ARHGEF4: variants seen among roughly 807,000 people sequenced by gnomAD.
The protein encoded by ARHGEF4 is Rho guanine nucleotide exchange factor 4, also known as APC-stimulated guanine nucleotide exchange factor 1.
In ARHGEF4, 119 loss-of-function variants were observed where a neutral mutation model predicts 162.0. The observed-to-expected ratio is 0.73, with a 90% CI of 0.63 to 0.86. The LOEUF is 0.86. ARHGEF4 is among the 40% of genes least tolerant of loss of function. The probability of loss-of-function intolerance (pLI) is 0.00; values close to 1 mark genes in which losing one functional copy is unlikely to be tolerated. For synonymous variants in ARHGEF4, 1,014 were observed against 979.9 expected, an observed-to-expected ratio of 1.03 and a Z score of -0.65; for missense variants, 2,488 against 2,456.0, an observed-to-expected ratio of 1.01 and a Z score of -0.28.
chr2:130,972,808 T>G (rs1685451444), intron 4 of ARHGEF4, among the ~76,000 whole-genome samples: 1 of 152,230 alleles, frequency 6.6e-6, no homozygotes, highest in Admixed American at 6.5e-5. Flanking sequence ...GGAAATGTGA[T>G]TGTTTCCGCA....
At chr2:130,871,542 AAT>A (rs1330511267) in intron 1 of ARHGEF4, among the ~76,000 whole-genome samples, 2 of 149,454 alleles carry the variant, frequency 1.3e-5, no homozygotes, top group African/African-American at 5.0e-5. Context: ...GTCTCAAAAA[AAT>A]ATATATATAT....
At chr2:130,852,925 G>A (rs536962883) in intron 1 of ARHGEF4, among the ~76,000 whole-genome samples, 7 of 152,306 alleles carry the variant, frequency 4.6e-5, no homozygotes, top group African/African-American at 1.2e-4. Flanking sequence ...AGCAGCAGCC[G>A]GCTGCCCCAT....
At chr2:131,041,584 C>A in intron 9 of ARHGEF4, 122 bp downstream of exon 9, 1 of 1,172,552 alleles carries the variant, frequency 8.5e-7, no homozygotes, top group Non-Finnish European at 1.2e-6. Flanking sequence ...GAAAACTAGC[C>A]CTGTCCTGAT....
Position 130,916,211 on chromosome 2 carries a change from C to G in ARHGEF4, c.2265C>G (p.Pro755=), listed in dbSNP as rs942266276. 9.7e-6 allele frequency: 15 copies of G among 1,546,274 alleles called. No homozygotes were observed. In the African/African-American group the frequency reaches 1.9e-4, roughly 20 times the overall value. ...GSGERGPEEA[P]EGGAAAARGQ... The stretch of plus-strand genomic sequence containing the variant: ...GGGAGCGTGGCCCGGAGGAGGCCCC[C>G]GAAGGCGGTGCTGCAGCAGCCCGGG... The change falls in exon 2 of 14, where the codon CCC becomes CCG. Residue 755 remains proline (P), a synonymous_variant. Coordinates refer to ENST00000409359, the MANE Select transcript of ARHGEF4 (RefSeq NM_001367493.1).
At chr2:130,879,133 G>T (rs1357392696) in intron 1 of ARHGEF4, among the ~76,000 whole-genome samples, 4 of 152,218 alleles carry the variant, frequency 2.6e-5, no homozygotes, top group Non-Finnish European at 5.9e-5. Flanking sequence ...GAGGGAGGGA[G>T]TGAGAGAAGA....
intron 1 of ARHGEF4, among the ~76,000 whole-genome samples, chr2:130,867,977 G>A (rs1392684738): frequency 2.1e-5 from 3 of 144,688 alleles, no homozygotes; most frequent in African/African-American, 7.8e-5. Flanking sequence ...CCAGGCTGGA[G>A]TGCAGTGGTG....
Position 131,041,374 on chromosome 2 carries a change from G to A in ARHGEF4, c.4807G>A (p.Asp1603Asn). ...LLQKMIDISL[D>N]GFLLTPVQKI... ...GCAGAAGATGATTGACATCTCCCTG[G>A]ATGGCTTCCTGCTGACTCCGGTGCA... Residue 1603 changes from aspartate (D) to asparagine (N), a missense_variant, in exon 9 of 14, where the codon GAT becomes AAT. By Grantham distance (23) the Asp-to-Asn change is conservative. Transcript: ENST00000409359. 6.2e-7 allele frequency: 1 copy of A among 1,613,524 alleles called. No homozygotes were observed. Among genetic ancestry groups the A allele is most frequent in the South Asian group, 1.1e-5 (1 of 91,090 alleles).
At chr2:131,016,963 C>T (rs1380434288) in intron 4 of ARHGEF4, among the ~76,000 whole-genome samples, 1 of 152,240 alleles carries the variant, frequency 6.6e-6, no homozygotes, top group East Asian at 1.9e-4. Flanking sequence ...GAGGCAAAGG[C>T]ACCCTCACTG....
chr2:130,936,905 CTTTTTTTTT>C (rs36086542), intron 3 of ARHGEF4, among the ~76,000 whole-genome samples: 1 of 82,342 alleles, frequency 1.2e-5, no homozygotes, highest in Admixed American at 1.5e-4. Flanking sequence ...TTTCTTTTTT[CTTTTTTTTT>C]TTTTTTTTTT....
chr2:130,917,157 C>G lies in ARHGEF4; in HGVS notation c.3211C>G (p.Pro1071Ala). Residue 1071 changes from proline (P) to alanine (A), a missense_variant, in exon 2 of 14, where the codon CCT (proline) becomes GCT (alanine). Transcript: ENST00000409359. ...GCAGGCTGGAATCGCACACACCCTG[C>G]CTTCCAGCTCTGCCTGCTGCCTGGC... ...AQQAGIAHTL[P>A]SSSACCLAYE... The G allele has an allele frequency of 6.4e-7, 1 of 1,550,534 alleles. No homozygotes were observed. The highest frequency in any genetic ancestry group is 8.7e-7 in the Non-Finnish European group (1 of 1,146,986).
intron 1 of ARHGEF4, among the ~76,000 whole-genome samples, chr2:130,854,264 T>C (rs1438708448): frequency 6.6e-6 from 1 of 152,202 alleles, no homozygotes; most frequent in Admixed American, 6.5e-5. Context: ...TGGCACAGTC[T>C]GGGACCCCTG....
intron 1 of ARHGEF4, among the ~76,000 whole-genome samples, chr2:130,912,645 G>A (rs368240924): frequency 4.6e-5 from 7 of 152,192 alleles, no homozygotes; most frequent in East Asian, 1.9e-4. Context: ...AGGAGCCTTC[G>A]TGAGCAATGG....
intron 1 of ARHGEF4, among the ~76,000 whole-genome samples, chr2:130,896,307 C>T (rs1405499626): frequency 6.6e-6 from 1 of 152,152 alleles, no homozygotes; most frequent in African/African-American, 2.4e-5. Flanking sequence ...TTGGAGGCAT[C>T]CATGCTGGTG....
At chr2:130,844,067 C>G (rs1680780546) in intron 1 of ARHGEF4, among the ~76,000 whole-genome samples, 1 of 152,194 alleles carries the variant, frequency 6.6e-6, no homozygotes, top group Non-Finnish European at 1.5e-5. Flanking sequence ...GGTACCAGAC[C>G]CTGCAGAGGG....
Position 130,915,626 on chromosome 2 carries a change from C to T in ARHGEF4, c.1680C>T (p.Ser560=). Residue 560 remains serine (S), a synonymous_variant, in exon 2 of 14, where the codon AGC becomes AGT. Transcript: ENST00000409359. The part of the protein sequence containing the change: ...SDAPETTQKS[S]AIDTSKAAEE... ...CCCCTGAGACCACCCAGAAATCAAGCGCAATAGACACTTCAAAGGCAGCCG... is the reference window on the plus strand; with the variant it reads ...CCCCTGAGACCACCCAGAAATCAAGTGCAATAGACACTTCAAAGGCAGCCG... 2 of 1,550,462 alleles carry T rather than the reference C, an allele frequency of 1.3e-6. No individual in the cohort carries two copies. Among genetic ancestry groups the T allele is most frequent in the Non-Finnish European group, 1.7e-6 (2 of 1,146,966 alleles).
chr2:130,913,094 G>T (rs1205471949), intron 1 of ARHGEF4, among the ~76,000 whole-genome samples: 1 of 152,022 alleles, frequency 6.6e-6, no homozygotes, highest in Non-Finnish European at 1.5e-5. Flanking sequence ...TCGGCTGGGG[G>T]TCTTGGAACA....
intron 5 of ARHGEF4, chr2:131,035,053 C>A: frequency 1.0e-6 from 1 of 998,676 alleles, no homozygotes; most frequent in Non-Finnish European, 1.2e-6. Flanking sequence ...CCCTGTGCGG[C>A]GGGATCTCGG....
rs531806647 is a variant in ARHGEF4 at position 131,040,767 on chromosome 2, CAG to C, written c.4662+328_4662+329del. ...AGAGTGAGCTCTGGGGTTTCTCACACAGGGAGAATTTACAGCCTGCTTAGGCG... is the reference window on the plus strand; with the variant it reads ...AGAGTGAGCTCTGGGGTTTCTCACACGGAGAATTTACAGCCTGCTTAGGCG... On this transcript the variant is annotated intron_variant, in intron 8 of 13. Transcript: ENST00000409359. Among the ~76,000 whole-genome samples, 31 of 152,318 alleles carry C rather than the reference CAG, an allele frequency of 2.0e-4. No individual in the cohort carries two copies. The South Asian group carries it at 4.3e-3, about 21-fold the overall frequency.
chr2:131,014,466 T>C (rs1420489414), intron 4 of ARHGEF4, among the ~76,000 whole-genome samples: 3 of 152,236 alleles, frequency 2.0e-5, no homozygotes, highest in African/African-American at 7.2e-5. Flanking sequence ...TGCTGGAATT[T>C]TGATAGGAAT....
Sources: gnomAD v4.1 joint callset for allele counts (sites outside exome capture counted in the v4.1 genomes callset) on GRCh38, gnomAD v4.1.1 for gene constraint, MANE v1.5 for transcripts, NCBI Gene and HGNC (gene_info 2026-07-23, HGNC 2026-07-21) for gene names.